Variants in PRAME observed in about 807,000 individuals in gnomAD.
PRAME encodes melanoma antigen preferentially expressed in tumors.
Under a neutral mutation model 32.1 loss-of-function variants are expected in PRAME, and 21 were observed. That is an observed-to-expected ratio of 0.65 (90% CI 0.46 to 0.94). The LOEUF (loss-of-function observed/expected upper bound fraction) is 0.94. Ranked by LOEUF, PRAME falls within the 40% of genes least tolerant of loss-of-function variation. The pLI is 0.00. For synonymous variants in PRAME, 274 were observed against 251.5 expected, an observed-to-expected ratio of 1.09 and a Z score of -0.85; for missense variants, 651 against 622.3, an observed-to-expected ratio of 1.05 and a Z score of -0.49.
intron 3 of PRAME, among the ~76,000 whole-genome samples, chr22:22,556,264 T>C (rs1253351469): frequency 6.6e-6 from 1 of 151,782 alleles, no homozygotes; most frequent in Non-Finnish European, 1.5e-5. Flanking sequence ...CGGCCTCCCA[T>C]GGTACTGGGA....
chr22:22,547,823 T>C lies in PRAME; in HGVS notation c.*244A>G. On this transcript the variant is annotated 3_prime_UTR_variant, in exon 6 of 6. Coordinates refer to ENST00000405655, the MANE Select transcript of PRAME (RefSeq NM_206956.3). Reference sequence around the variant, plus strand: ...TAGAAATTCAGATTCTATTTCTAACTCTATAAGATGTATCTCCCCAAAGAT... The same window carrying C: ...TAGAAATTCAGATTCTATTTCTAACCCTATAAGATGTATCTCCCCAAAGAT... The C allele has an allele frequency of 1.8e-6, 1 of 545,854 alleles. No individual in the cohort carries two copies. Among genetic ancestry groups the C allele is most frequent in the East Asian group, 3.0e-5 (1 of 33,122 alleles). 33.8% of individuals were successfully genotyped at this position (545,854 alleles called of 1,614,324 possible).
Position 22,547,878 on chromosome 22 carries a change from T to TA in PRAME, c.*188dup. ...TTAACTCCTCAAGTCAACATCTGCC[T>TA]ACCCCCAACTTCCCCTTTTTTTCCT... On this transcript the variant is annotated 3_prime_UTR_variant, in exon 6 of 6. Coordinates refer to ENST00000405655, the MANE Select transcript of PRAME (RefSeq NM_206956.3). The TA allele has an allele frequency of 1.6e-6, 1 of 639,378 alleles. No individual in the cohort carries two copies. The highest frequency in any genetic ancestry group is 2.7e-5 in the East Asian group (1 of 36,950). 39.6% of individuals were successfully genotyped at this position (639,378 alleles called of 1,614,324 possible).
Position 22,556,335 on chromosome 22 carries a change from G to A in PRAME, c.21+477C>T, listed in dbSNP as rs148612725. 3.8e-3 allele frequency among the ~76,000 whole-genome samples: 570 copies of A among 150,786 alleles called. 4 individuals carry two copies. The highest frequency in any genetic ancestry group is 0.013 in the African/African-American group (546 of 41,010). Reference sequence around the variant, plus strand: ...AGGGTTAATTTTTATTTTTGGAGACGGAGTCTCGCTCTGTCGCCAGGCTGG... The same window carrying A: ...AGGGTTAATTTTTATTTTTGGAGACAGAGTCTCGCTCTGTCGCCAGGCTGG... On this transcript the variant is annotated intron_variant, in intron 3 of 5. Coordinates refer to ENST00000405655, the MANE Select transcript of PRAME (RefSeq NM_206956.3).
chr22:22,557,011 C>G, intron 2 of PRAME, 102 bp from the exon 3 acceptor site: 1 of 724,448 alleles, frequency 1.4e-6, no homozygotes, highest in East Asian at 2.7e-5. Flanking sequence ...GCTGAGGAAA[C>G]TGACAACTGG....
At position 22,550,836 on chromosome 22, in the gene PRAME, A is replaced by G; in HGVS notation, c.275T>C (p.Leu92Pro). The stretch of plus-strand genomic sequence containing the variant: ...CACAGCTTTGAAGGTCTCCAGGTGA[A>G]GATGTTGTCCCTTCATCAGCACTCC... ...PLGVLMKGQH[L>P]HLETFKAVLD... is the part of the protein sequence containing the mutation. The change falls in exon 4 of 6, where the codon CTT becomes CCT. Residue 92 changes from leucine (L) to proline (P), a missense_variant. Leu to Pro is a moderately conservative substitution (Grantham distance 98). Coordinates refer to ENST00000405655, the MANE Select transcript of PRAME (RefSeq NM_206956.3). 3.7e-6 allele frequency: 6 copies of G among 1,612,944 alleles called. No homozygotes were observed. The highest frequency in any genetic ancestry group is 4.2e-6 in the Non-Finnish European group (5 of 1,179,302).
chr22:22,556,526 T>C (rs1452189337), intron 3 of PRAME, among the ~76,000 whole-genome samples: 7 of 151,758 alleles, frequency 4.6e-5, no homozygotes, highest in Non-Finnish European at 8.8e-5. Flanking sequence ...TAGCCAGGAA[T>C]GGTCTCAATC....
At chr22:22,552,726 C>A in intron 3 of PRAME, 2 of 358,816 alleles carry the variant, frequency 5.6e-6, no homozygotes, top group Non-Finnish European at 1.2e-5. Context: ...ACCATCTAAG[C>A]AGCATTGGCC....
At chr22:22,549,303 AG>A (rs1391773228) in intron 5 of PRAME, among the ~76,000 whole-genome samples, 1 of 151,942 alleles carries the variant, frequency 6.6e-6, no homozygotes, top group East Asian at 2.0e-4. Context: ...AATTTGAGGC[AG>A]GTTTAGAGGG....
chr22:22,552,458 G>T (rs2062644959), intron 3 of PRAME, among the ~76,000 whole-genome samples: 1 of 148,288 alleles, frequency 6.7e-6, no homozygotes, highest in South Asian at 2.1e-4. Context: ...ATACAAAATG[G>T]CAGAAATCAA....
intron 3 of PRAME, among the ~76,000 whole-genome samples, chr22:22,554,431 G>A (rs1462099768): frequency 1.3e-5 from 2 of 151,902 alleles, no homozygotes; most frequent in Non-Finnish European, 2.9e-5. Context: ...TGTGAAAACC[G>A]GGTTAAACTA....
chr22:22,555,416 T>A (rs2062846446), intron 3 of PRAME, among the ~76,000 whole-genome samples: 1 of 151,908 alleles, frequency 6.6e-6, no homozygotes, highest in African/African-American at 2.4e-5. Context: ...TTTTGTATTT[T>A]TAGTAGAGAT....
At position 22,549,769 on chromosome 22, in the gene PRAME, C is replaced by T. The variant is rs962963629; in HGVS notation, c.910G>A (p.Asp304Asn). The part of the protein sequence containing the change: ...SLQCLQALYV[D>N]SLFFLRGRLD... ...CGGCCTCTAAGGAAAAATAAAGAGT[C>T]CACATAGAGAGCCTGCAGGCACTGC... is the stretch of plus-strand genomic sequence containing the variant. Residue 304 changes from aspartate (D) to asparagine (N), a missense_variant, in exon 5 of 6, where the codon GAC becomes AAC. Physicochemically the swap from Asp to Asn is conservative, Grantham distance 23. Coordinates refer to ENST00000405655, the MANE Select transcript of PRAME (RefSeq NM_206956.3). 1 of 1,612,748 alleles carries T rather than the reference C, an allele frequency of 6.2e-7. No homozygotes were observed. Among genetic ancestry groups the T allele is most frequent in the Admixed American group, 1.7e-5 (1 of 59,778 alleles).
chr22:22,551,310 G>C (rs992955929), intron 3 of PRAME, among the ~76,000 whole-genome samples: 2 of 151,640 alleles, frequency 1.3e-5, no homozygotes, highest in Admixed American at 1.3e-4. Flanking sequence ...TAGAGGAGGG[G>C]ACAGGACGGC....
At chr22:22,553,327 T>C (rs1276874413) in intron 3 of PRAME, among the ~76,000 whole-genome samples, 1 of 151,898 alleles carries the variant, frequency 6.6e-6, no homozygotes, top group East Asian at 2.0e-4. Flanking sequence ...ACTTTGAAAG[T>C]CAAGGCTGTC....
intron 3 of PRAME, chr22:22,552,659 AACT>A (rs2062659010): frequency 3.6e-6 from 1 of 275,886 alleles, no homozygotes; most frequent in African/African-American, 2.2e-5. Flanking sequence ...ATTAAGGCAA[AACT>A]ACATTTAGAG....
rs2062336107 is a variant in PRAME, at chr22:22,547,826, A to AT, written c.*240dup. 1 of 563,406 alleles carries AT rather than the reference A, an allele frequency of 1.8e-6. No homozygotes were observed. Among genetic ancestry groups the AT allele is most frequent in the Non-Finnish European group, 3.1e-6 (1 of 320,316 alleles). The allele number at this position is 563,406 out of a possible 1,614,324, so 34.9% of individuals were successfully genotyped here. ...AAATTCAGATTCTATTTCTAACTCTATAAGATGTATCTCCCCAAAGATCAC... is the reference window on the plus strand; with the variant it reads ...AAATTCAGATTCTATTTCTAACTCTATTAAGATGTATCTCCCCAAAGATCAC... On this transcript the variant is annotated 3_prime_UTR_variant, in exon 6 of 6. Transcript: ENST00000405655.
chr22:22,550,449 C>T (rs2062500588), intron 4 of PRAME, 115 bp from the exon 5 acceptor site: 1 of 1,366,922 alleles, frequency 7.3e-7, no homozygotes, highest in Non-Finnish European at 9.9e-7. Context: ...TAGATCTGCA[C>T]TTTTACTTCG....
chr22:22,548,709 G>T, intron 5 of PRAME, 66 bp from the exon 6 acceptor site: 2 of 1,399,284 alleles, frequency 1.4e-6, no homozygotes, highest in Non-Finnish European at 1.9e-6. Context: ...CTGGAGAGAG[G>T]CCCATTTCAC....
At chr22:22,555,745 C>G (rs1296327699) in intron 3 of PRAME, 1 of 414,302 alleles carries the variant, frequency 2.4e-6, no homozygotes, top group African/African-American at 2.1e-5. Context: ...CGGCTTCAAC[C>G]CAGGTTGCAT....
Sources: allele counts gnomAD v4.1 joint callset (sites outside exome capture counted in the v4.1 genomes callset), GRCh38; gene constraint gnomAD v4.1.1; transcripts MANE v1.5; gene names NCBI Gene and HGNC (gene_info 2026-07-23, HGNC 2026-07-21).